SLC4A4: variants seen among roughly 807,000 people sequenced by gnomAD.
SLC4A4 encodes the protein solute carrier family 4 member 4.
SLC4A4 carries 27 observed loss-of-function variants against 111.5 expected under a neutral mutation model. The observed-to-expected ratio is 0.24, with a 90% CI of 0.18 to 0.33. The LOEUF is 0.33. SLC4A4 is among the 10% of genes least tolerant of loss of function. The pLI is 1.00. For missense variants in SLC4A4, 909 were observed against 1,315.5 expected (o/e 0.69, Z 4.78); for synonymous variants, 443 against 463.4 (o/e 0.96, Z 0.57).
At chr4:71,237,789 C>T (rs1719911887) in intron 2 of SLC4A4, among the ~76,000 whole-genome samples, 1 of 152,084 alleles carries the variant, frequency 6.6e-6, no homozygotes, top group African/African-American at 2.4e-5. Context: ...GCGCCTCCAC[C>T]CGCCCCCCTC....
chr4:71,189,300 A>G (rs1745627314), intron 1 of SLC4A4, among the ~76,000 whole-genome samples: 1 of 152,184 alleles, frequency 6.6e-6, no homozygotes, highest in African/African-American at 2.4e-5. Flanking sequence ...ATGTACTCTC[A>G]GTTTAGATTA....
chr4:71,237,569 A>G (rs1719896755), intron 2 of SLC4A4, among the ~76,000 whole-genome samples: 1 of 152,140 alleles, frequency 6.6e-6, no homozygotes. Flanking sequence ...ATTTAGTGCC[A>G]GCCCCAAACT....
intron 8 of SLC4A4, among the ~76,000 whole-genome samples, chr4:71,441,690 T>C (rs930212368): frequency 6.6e-6 from 1 of 152,262 alleles, no homozygotes; most frequent in African/African-American, 2.4e-5. Context: ...CAAGATTTCT[T>C]TAGAGCCTGG....
intron 1 of SLC4A4, among the ~76,000 whole-genome samples, chr4:71,220,605 T>G (rs1212446868): frequency 2.0e-5 from 3 of 152,214 alleles, no homozygotes; most frequent in Non-Finnish European, 4.4e-5. Flanking sequence ...AAACAGTTGA[T>G]TTGTTTGAAT....
chr4:71,154,733 T>A (rs898750289), intron 2 of SLC4A4, among the ~76,000 whole-genome samples: 1 of 152,164 alleles, frequency 6.6e-6, no homozygotes, highest in Non-Finnish European at 1.5e-5. Flanking sequence ...AACGTCATAA[T>A]TCTACATTTA....
chr4:71,098,347 C>G (rs1214845745), intron 2 of SLC4A4, among the ~76,000 whole-genome samples: 1 of 151,976 alleles, frequency 6.6e-6, no homozygotes, highest in East Asian at 1.9e-4. Context: ...GGTGTGTGGT[C>G]TTATTTCTAG....
chr4:71,437,380 A>C (rs796438463), intron 7 of SLC4A4: 1 of 316,376 alleles, frequency 3.2e-6, no homozygotes, highest in African/African-American at 2.2e-5. Flanking sequence ...AGAAACTACT[A>C]TCAGTTTGTG....
chr4:71,437,112 A>G, intron 7 of SLC4A4: 1 of 459,676 alleles, frequency 2.2e-6, no homozygotes. Context: ...ACTGTTCAGG[A>G]TCTTTATCAG....
chr4:71,491,470 C>T (rs1448919657), intron 15 of SLC4A4, among the ~76,000 whole-genome samples: 4 of 151,866 alleles, frequency 2.6e-5, no homozygotes, highest in African/African-American at 9.7e-5. Context: ...TGGGTTTTCA[C>T]TAGGCACTCT....
intron 2 of SLC4A4, among the ~76,000 whole-genome samples, chr4:71,250,049 T>A (rs1720953660): frequency 6.6e-6 from 1 of 152,184 alleles, no homozygotes; most frequent in Non-Finnish European, 1.5e-5. Context: ...ACTGAGATTT[T>A]TTTTTGGTCC....
At chr4:71,092,760 G>A (rs1355324689) in exon 2 of SLC4A4, among the ~76,000 whole-genome samples, 1 of 152,022 alleles carries the variant, frequency 6.6e-6, no homozygotes, top group African/African-American at 2.4e-5. Flanking sequence ...ACTTCTTCTG[G>A]CTATAAACCT....
At chr4:71,463,615 A>G (rs1458197046) in intron 12 of SLC4A4, among the ~76,000 whole-genome samples, 1 of 152,200 alleles carries the variant, frequency 6.6e-6, no homozygotes, top group Admixed American at 6.5e-5. Flanking sequence ...GCCTTTTAAC[A>G]GTCATATGGC....
intron 8 of SLC4A4, among the ~76,000 whole-genome samples, chr4:71,443,826 T>A (rs1023103952): frequency 2.0e-5 from 3 of 152,194 alleles, no homozygotes; most frequent in African/African-American, 4.8e-5. Context: ...AGAAGTAGTT[T>A]GTGATTAATT....
At chr4:71,151,801 C>T (rs559452151) in intron 2 of SLC4A4, among the ~76,000 whole-genome samples, 2 of 151,510 alleles carry the variant, frequency 1.3e-5, no homozygotes, top group South Asian at 4.2e-4. Context: ...TGACTCATGC[C>T]TGTAATCCCA....
chr4:71,150,944 A>G (rs1274239948), intron 2 of SLC4A4, among the ~76,000 whole-genome samples: 1 of 152,186 alleles, frequency 6.6e-6, no homozygotes, highest in Non-Finnish European at 1.5e-5. Context: ...TATTTGAAAG[A>G]CCATGCCTCA....
chr4:71,377,477 A>G (rs1412953638), intron 6 of SLC4A4, among the ~76,000 whole-genome samples: 1 of 152,164 alleles, frequency 6.6e-6, no homozygotes, highest in Non-Finnish European at 1.5e-5. Context: ...TTGGGGTGAG[A>G]GGAAGAGCAG....
chr4:71,524,876 C>T (rs903625764), intron 16 of SLC4A4, among the ~76,000 whole-genome samples: 2 of 152,160 alleles, frequency 1.3e-5, no homozygotes, highest in African/African-American at 4.8e-5. Flanking sequence ...TGAGAGCCCA[C>T]AGGGTGCCTG....
chr4:71,294,204 G>A (rs1325535793), intron 3 of SLC4A4, among the ~76,000 whole-genome samples: 1 of 152,204 alleles, frequency 6.6e-6, no homozygotes, highest in Non-Finnish European at 1.5e-5. Context: ...ATTTAAGGGA[G>A]AAGCACATTC....
chr4:71,532,527 A>G (rs976387105), intron 17 of SLC4A4, among the ~76,000 whole-genome samples: 2 of 151,998 alleles, frequency 1.3e-5, no homozygotes, highest in Non-Finnish European at 2.9e-5. Context: ...CTTTTTTGAG[A>G]CAGGGCCTTG....
Sources: gnomAD v4.1 joint callset for allele counts (sites outside exome capture counted in the v4.1 genomes callset) on GRCh38, gnomAD v4.1.1 for gene constraint, MANE v1.5 for transcripts, NCBI Gene and HGNC (gene_info 2026-07-23, HGNC 2026-07-21) for gene names.